Variants in MYO1B observed in about 807,000 individuals in gnomAD.
MYO1B encodes myosin IB, also known as unconventional myosin-Ib.
In MYO1B, 72 loss-of-function variants were observed where a neutral mutation model predicts 159.7. That is an observed-to-expected ratio of 0.45 (90% CI 0.37 to 0.55). The LOEUF is 0.55. MYO1B is among the 20% of genes least tolerant of loss of function. The probability of loss-of-function intolerance (pLI) is 0.00; values close to 1 mark genes in which losing one functional copy is unlikely to be tolerated. For synonymous variants in MYO1B, 468 were observed against 473.8 expected (o/e 0.99, Z 0.16); for missense variants, 1,062 against 1,364.8 (o/e 0.78, Z 3.50).
In MYO1B at chr2:191,370,235, A is replaced by G. The variant is rs774031763; in HGVS notation, c.1128A>G (p.Thr376=). 1.9e-6 allele frequency: 3 copies of G among 1,612,990 alleles called. No individual in the cohort carries two copies. In the South Asian group the frequency reaches 3.3e-5, roughly 18 times the overall value. Residue 376 remains threonine (T), a synonymous_variant, in exon 13 of 31, where the codon ACA becomes ACG. Transcript: ENST00000392318. ...TTTGAAACTTTTTAAAGGCACAAACAAAAGTGAGAAAGAAGGTCATGGGTG... is the reference window on the plus strand; with the variant it reads ...TTTGAAACTTTTTAAAGGCACAAACGAAAGTGAGAAAGAAGGTCATGGGTG... ...NRINESIKAQ[T]KVRKKVMGVL...
chr2:191,391,754 CTGAG>C (rs1248913712), intron 18 of MYO1B, among the ~76,000 whole-genome samples: 2 of 152,212 alleles, frequency 1.3e-5, no homozygotes, highest in African/African-American at 4.8e-5. Context: ...CAGGAATTAA[CTGAG>C]TGAGTTTAAA....
intron 2 of MYO1B, among the ~76,000 whole-genome samples, chr2:191,279,673 A>G (rs1687939933): frequency 6.6e-6 from 1 of 152,164 alleles, no homozygotes; most frequent in South Asian, 2.1e-4. Flanking sequence ...GTCTAGCTTG[A>G]TGCCCAAGGC....
At chr2:191,396,310 CAGA>C (rs1696067165) in intron 20 of MYO1B, 116 bp from the exon 21 acceptor site, 6 of 995,834 alleles carry the variant, frequency 6.0e-6, no homozygotes, top group African/African-American at 1.6e-5. Context: ...TATTGGTTTC[CAGA>C]AGGAGTATGG....
intron 14 of MYO1B, 88 bp from the exon 15 acceptor site, chr2:191,383,192 A>G: frequency 1.3e-6 from 1 of 742,898 alleles, no homozygotes; most frequent in Middle Eastern, 2.4e-4. Flanking sequence ...GAAGGGAAAT[A>G]TGATAAGATG....
chr2:191,334,675 T>A (rs1228771420), intron 4 of MYO1B, among the ~76,000 whole-genome samples: 1 of 152,090 alleles, frequency 6.6e-6, no homozygotes, highest in African/African-American at 2.4e-5. Context: ...CCAGGGCTTG[T>A]CACCCTTTCC....
intron 3 of MYO1B, among the ~76,000 whole-genome samples, chr2:191,302,066 C>A (rs757488909): frequency 1.3e-5 from 2 of 152,218 alleles, no homozygotes; most frequent in Non-Finnish European, 1.5e-5. Context: ...CATGTCTTTT[C>A]CTTTCTACGT....
rs1444451519 is a variant in MYO1B at position 191,400,834 on chromosome 2, A to C, written c.2468A>C (p.Lys823Thr). 1.9e-6 allele frequency: 3 copies of C among 1,613,660 alleles called. No homozygotes were observed. Among genetic ancestry groups the C allele is most frequent in the Admixed American group, 1.7e-5 (1 of 60,008 alleles). The change falls in exon 23 of 31, where the codon AAG (lysine) becomes ACG (threonine). Residue 823 changes from lysine to threonine, a missense_variant and splice_region_variant. Lys to Thr is a moderately conservative substitution (Grantham distance 78, BLOSUM62 -1). Coordinates refer to ENST00000392318, the MANE Select transcript of MYO1B (RefSeq NM_001130158.3). ...ATTTGGGCTTACTGGCTTGGATCTA[A>C]GGTACTTGATGCACATATCCCAACA... The part of the protein sequence containing the change: ...AVIWAYWLGS[K>T]ARRELKRLKE...
At chr2:191,320,122 G>A (rs752376004) in intron 3 of MYO1B, among the ~76,000 whole-genome samples, 1 of 152,132 alleles carries the variant, frequency 6.6e-6, no homozygotes, top group Non-Finnish European at 1.5e-5. Context: ...CTTTTTTCTG[G>A]TCTTAGTATT....
chr2:191,324,188 T>C (rs1016183445), intron 3 of MYO1B, among the ~76,000 whole-genome samples: 2 of 152,208 alleles, frequency 1.3e-5, no homozygotes, highest in Non-Finnish European at 2.9e-5. Flanking sequence ...TGTTTTTATA[T>C]TCATTCTTAC....
chr2:191,322,127 C>T (rs1216292994), intron 3 of MYO1B, among the ~76,000 whole-genome samples: 2 of 152,112 alleles, frequency 1.3e-5, no homozygotes, highest in African/African-American at 2.4e-5. Flanking sequence ...CTTGCCAAAC[C>T]CCAACAGGAT....
intron 13 of MYO1B, among the ~76,000 whole-genome samples, chr2:191,370,534 G>C (rs1031354257): frequency 6.6e-6 from 1 of 151,982 alleles, no homozygotes; most frequent in Non-Finnish European, 1.5e-5. Flanking sequence ...TGTGGTGTGC[G>C]TATGCTGAGA....
At chr2:191,388,786 AT>A (rs1417345468) in intron 17 of MYO1B, among the ~76,000 whole-genome samples, 6 of 151,654 alleles carry the variant, frequency 4.0e-5, no homozygotes, top group Non-Finnish European at 5.9e-5. Context: ...GAACAGTTCA[AT>A]TTTTTTTTAA....
At chr2:191,334,722 A>G (rs1691716128) in intron 4 of MYO1B, among the ~76,000 whole-genome samples, 1 of 152,150 alleles carries the variant, frequency 6.6e-6, no homozygotes, top group African/African-American at 2.4e-5. Flanking sequence ...ACATAGAATT[A>G]GGTGCTGCTT....
At chr2:191,352,862 A>C (rs1414100544) in intron 7 of MYO1B, among the ~76,000 whole-genome samples, 3 of 152,216 alleles carry the variant, frequency 2.0e-5, no homozygotes, top group African/African-American at 7.2e-5. Context: ...CTCCAAACTA[A>C]AGAAGCTAAA....
intron 7 of MYO1B, 24 bp downstream of exon 7, chr2:191,350,249 G>T: frequency 6.4e-7 from 1 of 1,566,908 alleles, no homozygotes; most frequent in African/African-American, 1.3e-5. Context: ...TTCAGTCCTT[G>T]TAAAGAAGTT....
intron 3 of MYO1B, among the ~76,000 whole-genome samples, chr2:191,319,377 A>C (rs1221016805): frequency 6.6e-6 from 1 of 152,296 alleles, no homozygotes; most frequent in Non-Finnish European, 1.5e-5. Context: ...CAGTCACTCT[A>C]GGCCTGGAGC....
At chr2:191,352,511 A>G (rs1426651402) in intron 7 of MYO1B, among the ~76,000 whole-genome samples, 1 of 152,238 alleles carries the variant, frequency 6.6e-6, no homozygotes, top group East Asian at 1.9e-4. Context: ...TTAAGTTCTA[A>G]GCACAAATGT....
At chr2:191,396,676 G>A (rs1235786439) in intron 21 of MYO1B, among the ~76,000 whole-genome samples, 179 bp downstream of exon 21, 2 of 152,076 alleles carry the variant, frequency 1.3e-5, no homozygotes, top group Non-Finnish European at 2.9e-5. Context: ...ACCATGTCTT[G>A]GCCACTTCCT....
chr2:191,329,472 A>G (rs973837121), intron 3 of MYO1B, among the ~76,000 whole-genome samples: 2 of 151,998 alleles, frequency 1.3e-5, no homozygotes, highest in Non-Finnish European at 2.9e-5. Context: ...AAAAATCTCA[A>G]CGTTATCCAA....
Sources: allele counts gnomAD v4.1 joint callset (sites outside exome capture counted in the v4.1 genomes callset), GRCh38; gene constraint gnomAD v4.1.1; transcripts MANE v1.5; gene names NCBI Gene and HGNC (gene_info 2026-07-23, HGNC 2026-07-21).